Variants in NBEAL1 observed in about 807,000 individuals in gnomAD.
NBEAL1 encodes the protein neurobeachin-like protein 1.
In NBEAL1, 273 loss-of-function variants were observed where a neutral mutation model predicts 351.3. The observed-to-expected ratio is 0.78, with a 90% CI of 0.70 to 0.86. The LOEUF is 0.86. NBEAL1 is among the 40% of genes least tolerant of loss of function. NBEAL1 has a pLI of 0.00. For missense variants in NBEAL1, 2,961 were observed against 3,201.3 expected, an observed-to-expected ratio of 0.92 and a Z score of 1.81; for synonymous variants, 1,050 against 1,086.4, an observed-to-expected ratio of 0.97 and a Z score of 0.66.
intron 3 of NBEAL1, among the ~76,000 whole-genome samples, chr2:203,045,404 A>G (rs1462349875): frequency 6.6e-6 from 1 of 152,194 alleles, no homozygotes; most frequent in African/African-American, 2.4e-5. Context: ...TTAGCAGGAA[A>G]AAAAATATGT....
intron 33 of NBEAL1, among the ~76,000 whole-genome samples, chr2:203,148,084 A>G (rs1311757332): frequency 6.6e-6 from 1 of 152,036 alleles, no homozygotes; most frequent in Non-Finnish European, 1.5e-5. Context: ...TTGTATTCCA[A>G]AACAATTGAT....
chr2:203,039,383 T>TTCCTGTCCTG (rs1274751937), intron 2 of NBEAL1, among the ~76,000 whole-genome samples: 2 of 125,164 alleles, frequency 1.6e-5, no homozygotes, highest in Non-Finnish European at 1.8e-5. Flanking sequence ...TCCCTTCCCT[T>TTCCTGTCCTG]TCCTGTCCTG....
chr2:203,014,909 G>C lies in NBEAL1; in HGVS notation c.-303G>C, dbSNP rs1574846982. The C allele has an allele frequency of 6.6e-6, 1 of 152,430 alleles. No homozygotes were observed. Among genetic ancestry groups the C allele is most frequent in the Non-Finnish European group, 1.5e-5 (1 of 68,226 alleles). 9.4% of individuals were successfully genotyped at this position (152,430 alleles called of 1,614,324 possible). ...TCTGCCTGGCTGCGGGGTGACACGG[G>C]GCTTCGCCTTGGGAAGGGGTCGAGG... On this transcript the variant is annotated 5_prime_UTR_variant, in exon 1 of 56. Coordinates refer to ENST00000683969, the MANE Select transcript of NBEAL1 (RefSeq NM_001378026.1).
intron 11 of NBEAL1, among the ~76,000 whole-genome samples, chr2:203,099,309 A>G (rs999006541): frequency 6.6e-6 from 1 of 152,012 alleles, no homozygotes; most frequent in African/African-American, 2.4e-5. Flanking sequence ...AGGATTTCCA[A>G]TGAATGATAG....
intron 4 of NBEAL1, among the ~76,000 whole-genome samples, chr2:203,054,514 C>T (rs1039598938): frequency 1.1e-4 from 16 of 152,066 alleles, no homozygotes; most frequent in Admixed American, 3.9e-4. Flanking sequence ...ATGCAGTCCT[C>T]CTGCCTCTGC....
intron 51 of NBEAL1, among the ~76,000 whole-genome samples, chr2:203,207,690 T>A (rs954195559): frequency 6.6e-6 from 1 of 152,170 alleles, no homozygotes; most frequent in Non-Finnish European, 1.5e-5. Flanking sequence ...AAGATGTGCT[T>A]TGTTAAACAG....
In NBEAL1 at chr2:203,041,802, T is replaced by C. The variant is rs1451476878; in HGVS notation, c.89T>C (p.Phe30Ser). ...PDYLKLWLDT[F>S]VSSYEQFLDV... ...TACCTGAAGCTGTGGTTGGACACTT[T>C]TGTTTCTAGCTATGAACAATTTTTA... Residue 30 changes from phenylalanine (F) to serine (S), a missense_variant, in exon 3 of 56, where the codon TTT becomes TCT. Coordinates refer to ENST00000683969, the MANE Select transcript of NBEAL1 (RefSeq NM_001378026.1). 6.4e-7 allele frequency: 1 copy of C among 1,554,278 alleles called. No homozygotes were observed. The highest frequency in any genetic ancestry group is 8.7e-7 in the Non-Finnish European group (1 of 1,147,628).
At chr2:203,123,483 C>A (rs1013064087) in intron 19 of NBEAL1, among the ~76,000 whole-genome samples, 1 of 151,910 alleles carries the variant, frequency 6.6e-6, no homozygotes, top group Admixed American at 6.6e-5. Context: ...TAGGCACCTG[C>A]CACCACACCC....
intron 55 of NBEAL1, among the ~76,000 whole-genome samples, chr2:203,215,630 G>A (rs1467950226): frequency 6.6e-6 from 1 of 151,896 alleles, no homozygotes; most frequent in Non-Finnish European, 1.5e-5. Flanking sequence ...GCAGGTTGCA[G>A]TGAACCAAGA....
At chr2:203,084,704 T>C in intron 10 of NBEAL1, 135 bp downstream of exon 10, 1 of 474,954 alleles carries the variant, frequency 2.1e-6, no homozygotes, top group Non-Finnish European at 3.7e-6. Flanking sequence ...AACCAAGTTT[T>C]ATCTTGAATT....
At position 203,111,966 on chromosome 2, in the gene NBEAL1, T is replaced by C. The variant is rs1228016344; in HGVS notation, c.2083-13T>C. ...GTAATTTTATCCTTTAAATGTGTGT[T>C]TCACTTTACCAGCACAACATAACTG... On this transcript the variant is annotated splice_polypyrimidine_tract_variant and intron_variant, in intron 15 of 55. Transcript: ENST00000683969. 1 of 1,543,564 alleles carries C rather than the reference T, an allele frequency of 6.5e-7. No homozygotes were observed. Among genetic ancestry groups the C allele is most frequent in the Non-Finnish European group, 8.7e-7 (1 of 1,145,412 alleles).
intron 31 of NBEAL1, among the ~76,000 whole-genome samples, chr2:203,143,153 A>C (rs1315882520): frequency 1.3e-5 from 2 of 152,216 alleles, no homozygotes; most frequent in Non-Finnish European, 2.9e-5. Flanking sequence ...AAGGAGTCAC[A>C]ATATGTCATT....
chr2:203,043,198 T>C (rs2061170857), intron 3 of NBEAL1, among the ~76,000 whole-genome samples: 1 of 152,148 alleles, frequency 6.6e-6, no homozygotes, highest in African/African-American at 2.4e-5. Flanking sequence ...AGAAACTAGA[T>C]TTAAAAATCA....
chr2:203,178,026 A>T (rs1038482203), intron 42 of NBEAL1, among the ~76,000 whole-genome samples: 22 of 152,192 alleles, frequency 1.4e-4, no homozygotes, highest in Admixed American at 4.6e-4. Flanking sequence ...CTCAAAAAAA[A>T]AAAATAAAAA....
chr2:203,039,586 G>A (rs2061104944), intron 2 of NBEAL1, among the ~76,000 whole-genome samples: 1 of 151,866 alleles, frequency 6.6e-6, no homozygotes, highest in African/African-American at 2.4e-5. Flanking sequence ...TAGAGATGGG[G>A]TTTCGCCATG....
At chr2:203,121,780 CTTTTTTA>C (rs2062837813) in intron 18 of NBEAL1, among the ~76,000 whole-genome samples, 1 of 151,550 alleles carries the variant, frequency 6.6e-6, no homozygotes, top group African/African-American at 2.4e-5. Context: ...CTGATTCTTT[CTTTTTTA>C]TTTTTATTTA....
At chr2:203,212,641 T>C (rs1045310120) in intron 54 of NBEAL1, among the ~76,000 whole-genome samples, 3 of 150,980 alleles carry the variant, frequency 2.0e-5, no homozygotes, top group African/African-American at 7.3e-5. Context: ...TGGGGAAATA[T>C]CAATATTTGT....
intron 2 of NBEAL1, among the ~76,000 whole-genome samples, chr2:203,028,950 C>A (rs575424683): frequency 6.6e-6 from 1 of 152,060 alleles, no homozygotes; most frequent in Non-Finnish European, 1.5e-5. Flanking sequence ...GACCACAATG[C>A]GCCCTTTTGA....
At chr2:203,070,110 T>A (rs1024558955) in intron 7 of NBEAL1, among the ~76,000 whole-genome samples, 1 of 152,236 alleles carries the variant, frequency 6.6e-6, no homozygotes, top group African/African-American at 2.4e-5. Context: ...GCTGTGTTTT[T>A]AAAAATAGAT....
Sources: gnomAD v4.1 joint callset for allele counts (sites outside exome capture counted in the v4.1 genomes callset) on GRCh38, gnomAD v4.1.1 for gene constraint, MANE v1.5 for transcripts, NCBI Gene and HGNC (gene_info 2026-07-23, HGNC 2026-07-21) for gene names.